Variants in MGAT4C observed in about 807,000 individuals in gnomAD.
MGAT4C encodes the protein MGAT4 family member C.
Under a neutral mutation model 40.1 loss-of-function variants are expected in MGAT4C, and 19 were observed. That is an observed-to-expected ratio of 0.47 (90% CI 0.33 to 0.70). The LOEUF is 0.70. Among genes scored for constraint, MGAT4C ranks in the 30% least tolerant of loss-of-function variants. The pLI, the probability that MGAT4C is intolerant of heterozygous loss-of-function variation, is 0.02. For missense variants in MGAT4C, 491 were observed against 563.2 expected (o/e 0.87, Z 1.30); for synonymous variants, 181 against 187.1 (o/e 0.97, Z 0.27).
chr12:86,342,522 G>C (rs1220064819), intron 3 of MGAT4C, among the ~76,000 whole-genome samples: 1 of 152,152 alleles, frequency 6.6e-6, no homozygotes, highest in Non-Finnish European at 1.5e-5. Flanking sequence ...CCTCCATCAA[G>C]CTTCAGCCAA....
At position 85,962,672 on chromosome 12, in the gene MGAT4C, C is replaced by G. The variant is rs1883175854; in HGVS notation, c.*16617G>C. 6.6e-6 allele frequency: 1 copy of G among 150,666 alleles called. No homozygotes were observed. Among genetic ancestry groups the G allele is most frequent in the Non-Finnish European group, 1.5e-5 (1 of 67,420 alleles). The allele number at this position is 150,666 out of a possible 1,614,324, so 9.3% of individuals were successfully genotyped here. On this transcript the variant is annotated 3_prime_UTR_variant, in exon 5 of 5. Coordinates refer to ENST00000611864, the MANE Select transcript of MGAT4C (RefSeq NM_001351288.2). ...CTTGTAATGAACTGTAAACTTCACCCATAACATTATTAATATATCAGTGCT... is the reference window on the plus strand; with the variant it reads ...CTTGTAATGAACTGTAAACTTCACCGATAACATTATTAATATATCAGTGCT...
chr12:86,421,257 C>T (rs1012633185), intron 3 of MGAT4C, among the ~76,000 whole-genome samples: 4 of 152,032 alleles, frequency 2.6e-5, no homozygotes, highest in African/African-American at 9.7e-5. Context: ...TTAGGCTATA[C>T]CTATGGTTCG....
rs540989812 is a variant in MGAT4C, at chr12:86,479,111, T to A, written c.-228-43846A>T. The stretch of plus-strand genomic sequence containing the variant: ...CTTAAAAAATCAAATTCTATAGACT[T>A]TCTAAACTATGAAAAATTTACATTT... On this transcript the variant is annotated intron_variant, in intron 2 of 7. Coordinates refer to the MGAT4C transcript ENST00000548651. 1.4e-3 allele frequency among the ~76,000 whole-genome samples: 211 copies of A among 152,130 alleles called. 1 individual carries two copies. The highest frequency in any genetic ancestry group is 4.9e-3 in the African/African-American group (205 of 41,554).
At chr12:86,740,471 T>C (rs990896205) in intron 1 of MGAT4C, among the ~76,000 whole-genome samples, 2 of 151,180 alleles carry the variant, frequency 1.3e-5, no homozygotes, top group Admixed American at 1.3e-4. Context: ...AAAAAGATAA[T>C]AGAGGGTGCA....
chr12:86,730,663 G>A (rs886136027), intron 1 of MGAT4C, among the ~76,000 whole-genome samples: 5 of 152,026 alleles, frequency 3.3e-5, no homozygotes, highest in African/African-American at 1.2e-4. Flanking sequence ...TCCTGCTATT[G>A]CAGAATATTT....
chr12:86,128,211 C>T (rs1259440116), intron 1 of MGAT4C, among the ~76,000 whole-genome samples: 1 of 152,140 alleles, frequency 6.6e-6, no homozygotes, highest in Non-Finnish European at 1.5e-5. Context: ...TCATACATGC[C>T]GTCCTTTGTT....
At chr12:86,261,168 A>G (rs1453806295), upstream of MGAT4C, among the ~76,000 whole-genome samples, 1 of 152,158 alleles carries the variant, frequency 6.6e-6, no homozygotes, top group Non-Finnish European at 1.5e-5. Context: ...GTAGTAGCTC[A>G]TTAAACATGT....
At chr12:85,997,523 A>C (rs1275168379) in intron 2 of MGAT4C, among the ~76,000 whole-genome samples, 1 of 152,158 alleles carries the variant, frequency 6.6e-6, no homozygotes, top group African/African-American at 2.4e-5. Context: ...TGTAAAATCA[A>C]AGCAAGCTAG....
chr12:86,052,194 T>C (rs1026077740), intron 1 of MGAT4C, among the ~76,000 whole-genome samples: 11 of 151,530 alleles, frequency 7.3e-5, no homozygotes, highest in Non-Finnish European at 1.6e-4. Flanking sequence ...AAAATGAAAA[T>C]ACATGTTTAA....
chr12:86,067,351 A>G (rs1452666295), intron 1 of MGAT4C, among the ~76,000 whole-genome samples: 1 of 152,220 alleles, frequency 6.6e-6, no homozygotes, highest in Non-Finnish European at 1.5e-5. Flanking sequence ...AATGTGTCAC[A>G]TATACACTAT....
rs896472074 is a variant in MGAT4C, at chr12:86,442,104, G to C, written c.-228-6839C>G. On this transcript the variant is annotated intron_variant, in intron 2 of 7. Coordinates refer to the MGAT4C transcript ENST00000548651. ...TTTCTCTGATGGCCAGTGATGATGA[G>C]CATTTTTTCATGTGTCTGTTGGCTG... Among the ~76,000 whole-genome samples, 5 of 152,078 alleles carry C rather than the reference G, an allele frequency of 3.3e-5. No homozygotes were observed. In the East Asian group the frequency reaches 7.7e-4, roughly 23 times the overall value.
At chr12:86,487,596 T>C (rs558715396) in intron 2 of MGAT4C, among the ~76,000 whole-genome samples, 1 of 152,338 alleles carries the variant, frequency 6.6e-6, no homozygotes, top group African/African-American at 2.4e-5. Context: ...GACAAATGTC[T>C]GAAGATTTTC....
intron 2 of MGAT4C, among the ~76,000 whole-genome samples, chr12:86,008,827 T>G (rs1888163114): frequency 6.6e-6 from 1 of 152,118 alleles, no homozygotes; most frequent in Admixed American, 6.6e-5. Flanking sequence ...AGTGTGGAAT[T>G]TTGTCAAATA....
At chr12:86,228,707 G>A (rs1185077071) in intron 1 of MGAT4C, among the ~76,000 whole-genome samples, 1 of 151,826 alleles carries the variant, frequency 6.6e-6, no homozygotes, top group Non-Finnish European at 1.5e-5. Flanking sequence ...TTCTCTTTAT[G>A]TATGTAAGAC....
At chr12:85,993,628 GC>G (rs1262510798) in intron 2 of MGAT4C, among the ~76,000 whole-genome samples, 1 of 152,134 alleles carries the variant, frequency 6.6e-6, no homozygotes, top group Non-Finnish European at 1.5e-5. Context: ...CACACAGGTG[GC>G]CCCTGATGTC....
At chr12:86,648,728 G>T (rs1323872552) in intron 2 of MGAT4C, among the ~76,000 whole-genome samples, 1 of 151,814 alleles carries the variant, frequency 6.6e-6, no homozygotes, top group African/African-American at 2.4e-5. Context: ...ATGGTATTTT[G>T]TCATAGCAGC....
intron 4 of MGAT4C, among the ~76,000 whole-genome samples, chr12:86,293,212 G>A (rs1302808919): frequency 1.3e-5 from 2 of 152,092 alleles, no homozygotes; most frequent in Non-Finnish European, 2.9e-5. Context: ...GTTGTTCAGT[G>A]TGTGCATGGA....
rs1555224768 is a variant in MGAT4C at position 86,110,302 on chromosome 12, A to ATATATAGTC, written c.-56-60580_-56-60579insGACTATATA. Among the ~76,000 whole-genome samples the ATATATAGTC allele has an allele frequency of 3.4e-4, 28 of 82,906 alleles. 1 individual carries two copies. The highest frequency in any genetic ancestry group is 9.8e-4 in the East Asian group (4 of 4,068). The allele number at this position is 82,906 out of a possible 152,430, so 54.4% of individuals were successfully genotyped here. Reference sequence around the variant, plus strand: ...TAGTCTATATATATATAGTCTCTCTATATATATATATATATAGTCTCTCTC... The same window carrying ATATATAGTC: ...TAGTCTATATATATATAGTCTCTCTATATATAGTCTATATATATATATATAGTCTCTCTC... On this transcript the variant is annotated intron_variant, in intron 1 of 4. Coordinates refer to ENST00000611864, the MANE Select transcript of MGAT4C (RefSeq NM_001351288.2).
intron 4 of MGAT4C, among the ~76,000 whole-genome samples, chr12:86,269,208 T>C (rs997785177): frequency 6.6e-6 from 1 of 151,004 alleles, no homozygotes; most frequent in African/African-American, 2.4e-5. Context: ...TAATTATATC[T>C]ATTTGGAAAT....
Sources: allele counts gnomAD v4.1 joint callset (sites outside exome capture counted in the v4.1 genomes callset), GRCh38; gene constraint gnomAD v4.1.1; transcripts MANE v1.5; gene names NCBI Gene and HGNC (gene_info 2026-07-23, HGNC 2026-07-21).